Variants in NCOA1 observed in about 807,000 individuals in gnomAD.
The protein encoded by NCOA1 is Hin-2 protein.
Under a neutral mutation model 150.9 loss-of-function variants are expected in NCOA1, and 35 were observed. The observed-to-expected ratio is 0.23, with a 90% confidence interval of 0.18 to 0.31. The LOEUF (loss-of-function observed/expected upper bound fraction) is 0.31, where lower values mean the gene tolerates loss of function less well. Among genes scored for constraint, NCOA1 ranks in the 10% least tolerant of loss-of-function variants. The probability of loss-of-function intolerance (pLI) is 1.00; values close to 1 mark genes in which losing one functional copy is unlikely to be tolerated. For synonymous variants in NCOA1, 590 were observed against 630.0 expected, an observed-to-expected ratio of 0.94 and a Z score of 0.95; for missense variants, 1,491 against 1,749.3, an observed-to-expected ratio of 0.85 and a Z score of 2.63.
intron 10 of NCOA1, among the ~76,000 whole-genome samples, chr2:24,697,085 G>A (rs1214888968): frequency 7.9e-5 from 12 of 152,052 alleles, no homozygotes; most frequent in African/African-American, 2.7e-4. Context: ...TTTATAAAGC[G>A]TATGTTCCGT....
chr2:24,762,508 T>G (rs995866940), intron 21 of NCOA1, among the ~76,000 whole-genome samples, 179 bp from the exon 22 acceptor site: 3 of 152,204 alleles, frequency 2.0e-5, no homozygotes, highest in Non-Finnish European at 4.4e-5. Flanking sequence ...CCTTACACAC[T>G]CACTACCCCA....
chr2:24,511,155 A>G (rs1044655637), intron 1 of NCOA1, among the ~76,000 whole-genome samples: 14 of 152,324 alleles, frequency 9.2e-5, no homozygotes, highest in Non-Finnish European at 2.1e-4. Context: ...AGGTTCATCC[A>G]TGTTGTAGCA....
At chr2:24,638,229 C>T (rs1266630152) in intron 3 of NCOA1, among the ~76,000 whole-genome samples, 2 of 111,486 alleles carry the variant, frequency 1.8e-5, no homozygotes, top group East Asian at 3.0e-4. Flanking sequence ...GGAGTGAGAA[C>T]ATGTGATGTT....
In NCOA1 at chr2:24,728,484, T is replaced by C; in HGVS notation, c.2886+8T>C. 1 of 1,607,148 alleles carries C rather than the reference T, an allele frequency of 6.2e-7. No homozygotes were observed. Among genetic ancestry groups the C allele is most frequent in the Non-Finnish European group, 8.5e-7 (1 of 1,177,222 alleles). ...ATTGACAAACTTGTTCAGGTATTTA[T>C]TAAAGTCAACATTATTTAACTGATG... On this transcript the variant is annotated splice_region_variant and intron_variant, in intron 16 of 22. Coordinates refer to ENST00000348332, the MANE Select transcript of NCOA1 (RefSeq NM_003743.5).
rs564371080 is a variant in NCOA1, at chr2:24,660,192, T to C, written c.89+1426T>C. Among the ~76,000 whole-genome samples, 3 of 152,300 alleles carry C rather than the reference T, an allele frequency of 2.0e-5. No individual in the cohort carries two copies. In the South Asian group the frequency reaches 6.2e-4, roughly 32 times the overall value. ...TGTGTCAAAAATTAATGCTCTTGTT[T>C]TATCTGTGTATAAAATCAGTCCTTA... On this transcript the variant is annotated intron_variant, in intron 5 of 22. Transcript: ENST00000348332.
At chr2:24,505,767 C>T (rs557015361) in intron 1 of NCOA1, among the ~76,000 whole-genome samples, 2 of 152,182 alleles carry the variant, frequency 1.3e-5, no homozygotes, top group South Asian at 2.1e-4. Flanking sequence ...TGGTTGCTGC[C>T]GGATGGCCGT....
chr2:24,756,510 A>G (rs774341723), intron 20 of NCOA1, among the ~76,000 whole-genome samples: 1 of 152,192 alleles, frequency 6.6e-6, no homozygotes, highest in African/African-American at 2.4e-5. Flanking sequence ...ACCTTAGTCT[A>G]CTGGAAACTG....
At chr2:24,587,458 C>G (rs1667462629) in intron 3 of NCOA1, among the ~76,000 whole-genome samples, 1 of 152,108 alleles carries the variant, frequency 6.6e-6, no homozygotes, top group Admixed American at 6.5e-5. Context: ...AGGGCTTATT[C>G]CATCTTGACA....
intron 8 of NCOA1, among the ~76,000 whole-genome samples, chr2:24,687,680 C>A (rs1190425882): frequency 6.6e-6 from 1 of 152,122 alleles, no homozygotes; most frequent in Non-Finnish European, 1.5e-5. Context: ...ATAAAACCAT[C>A]AGATCTCTTG....
chr2:24,714,596 A>G lies in NCOA1; in HGVS notation c.2599+3485A>G, dbSNP rs183330502. ...AGCCTACCAGCAGATTAGACACTGC[A>G]GGAAAAAAAGAGCAATAAACATGAC... On this transcript the variant is annotated intron_variant, in intron 14 of 22. Transcript: ENST00000348332. Among the ~76,000 whole-genome samples, 27 of 152,218 alleles carry G rather than the reference A, an allele frequency of 1.8e-4. 2 individuals carry two copies. The highest frequency in any genetic ancestry group is 1.6e-3 in the Admixed American group (24 of 15,296).
At chr2:24,605,011 A>C (rs1668296151) in intron 3 of NCOA1, among the ~76,000 whole-genome samples, 1 of 152,232 alleles carries the variant, frequency 6.6e-6, no homozygotes, top group African/African-American at 2.4e-5. Flanking sequence ...CTCAGGTAAT[A>C]GGGAGATGGC....
chr2:24,503,502 T>C (rs182622943), intron 1 of NCOA1, among the ~76,000 whole-genome samples: 2 of 152,352 alleles, frequency 1.3e-5, no homozygotes, highest in African/African-American at 4.8e-5. Context: ...TTTGATAATA[T>C]GGGGCACCAT....
At chr2:24,643,720 C>T (rs56119390) in intron 3 of NCOA1, among the ~76,000 whole-genome samples, 63 of 152,208 alleles carry the variant, frequency 4.1e-4, no homozygotes, top group African/African-American at 1.4e-3. Context: ...CAGAAGTTTA[C>T]AGATAGATGC....
At chr2:24,496,390 T>G (rs996221727) in intron 1 of NCOA1, among the ~76,000 whole-genome samples, 1 of 152,230 alleles carries the variant, frequency 6.6e-6, no homozygotes, top group Non-Finnish European at 1.5e-5. Flanking sequence ...GAAGAAAGTA[T>G]TATGATAATC....
chr2:24,718,265 T>TA (rs971853150), intron 14 of NCOA1, among the ~76,000 whole-genome samples: 1 of 152,166 alleles, frequency 6.6e-6, no homozygotes, highest in African/African-American at 2.4e-5. Flanking sequence ...TACCACTGCA[T>TA]ACCCATTAGA....
At chr2:24,747,899 A>G (rs1664017312) in intron 19 of NCOA1, among the ~76,000 whole-genome samples, 1 of 151,362 alleles carries the variant, frequency 6.6e-6, no homozygotes, top group Non-Finnish European at 1.5e-5. Context: ...CTGAGGTCGG[A>G]AGTTCGAGAC....
At chr2:24,618,996 G>C (rs1669001056) in intron 3 of NCOA1, among the ~76,000 whole-genome samples, 1 of 152,126 alleles carries the variant, frequency 6.6e-6, no homozygotes, top group African/African-American at 2.4e-5. Flanking sequence ...TTAAAAATTT[G>C]ATGTTACTTA....
intron 4 of NCOA1, among the ~76,000 whole-genome samples, chr2:24,658,029 G>T (rs1671023215): frequency 6.6e-6 from 1 of 152,158 alleles, no homozygotes; most frequent in South Asian, 2.1e-4. Flanking sequence ...GTGCTAGGCG[G>T]AATGACTTTG....
At position 24,683,059 on chromosome 2, in the gene NCOA1, A is replaced by G; in HGVS notation, c.463A>G (p.Ser155Gly). 1 of 1,610,186 alleles carries G rather than the reference A, an allele frequency of 6.2e-7. No homozygotes were observed. Among genetic ancestry groups the G allele is most frequent in the Non-Finnish European group, 8.5e-7 (1 of 1,178,804 alleles). ...CAATCAGGAGGAATTAATGAATACG[A>G]GCGTCTACAGCATACTGCACGTGGG... The part of the protein sequence containing the change: ...GYNQEELMNT[S>G]VYSILHVGDH... Residue 155 changes from serine (S) to glycine (G), a missense_variant, in exon 8 of 23, where the codon AGC becomes GGC. By Grantham distance (56) the Ser-to-Gly change is moderately conservative (BLOSUM62 0). This residue lies in a region of NCOA1 where 80 missense variants were observed against 163.0 expected (regional missense o/e 0.49). Transcript: ENST00000348332.
Sources: allele counts gnomAD v4.1 joint callset (sites outside exome capture counted in the v4.1 genomes callset), GRCh38; gene constraint gnomAD v4.1.1; regional missense constraint gnomAD v4.1.1; transcripts MANE v1.5; gene names NCBI Gene and HGNC (gene_info 2026-07-23, HGNC 2026-07-21).